GALNTL6: variants seen among roughly 807,000 people sequenced by gnomAD.
GALNTL6 encodes the protein polypeptide N-acetylgalactosaminyltransferase-like 6.
In GALNTL6, 46 loss-of-function variants were observed where a neutral mutation model predicts 73.7. The observed-to-expected ratio is 0.62, with a 90% confidence interval of 0.49 to 0.80. The LOEUF (loss-of-function observed/expected upper bound fraction) is 0.80, where lower values mean the gene tolerates loss of function less well. Among genes scored for constraint, GALNTL6 ranks in the 30% least tolerant of loss-of-function variants. The pLI, the probability that GALNTL6 is intolerant of heterozygous loss-of-function variation, is 0.00. For synonymous variants in GALNTL6, 259 were observed against 263.7 expected (o/e 0.98, Z 0.17); for missense variants, 604 against 755.0 (o/e 0.80, Z 2.34).
At chr4:173,009,109 A>G in intron 10 of GALNTL6, 69 bp from the exon 11 acceptor site, 1 of 993,490 alleles carries the variant, frequency 1.0e-6, no homozygotes, top group East Asian at 2.4e-5. Flanking sequence ...AATCTACACC[A>G]TGGTTGTTAG....
intron 5 of GALNTL6, among the ~76,000 whole-genome samples, chr4:172,665,058 T>A (rs943321757): frequency 6.6e-6 from 1 of 152,170 alleles, no homozygotes; most frequent in African/African-American, 2.4e-5. Context: ...TACAAATATA[T>A]ACCTCCCAGG....
intron 2 of GALNTL6, among the ~76,000 whole-genome samples, chr4:172,117,867 A>G (rs932743345): frequency 1.3e-5 from 2 of 152,218 alleles, no homozygotes; most frequent in Admixed American, 6.5e-5. Flanking sequence ...CTAAAATGAA[A>G]AAAACAAAAT....
intron 9 of GALNTL6, among the ~76,000 whole-genome samples, 186 bp from the exon 10 acceptor site, chr4:172,951,851 A>T (rs1749458448): frequency 6.6e-6 from 1 of 152,240 alleles, no homozygotes; most frequent in South Asian, 2.1e-4. Flanking sequence ...ATGTGTGTGA[A>T]GCCACAGGCT....
intron 5 of GALNTL6, among the ~76,000 whole-genome samples, chr4:172,801,023 ATACT>A (rs1375945106): frequency 2.0e-5 from 3 of 152,158 alleles, no homozygotes; most frequent in African/African-American, 7.2e-5. Context: ...AAAATATAAA[ATACT>A]TAGGAAAAAA....
rs148944126 is a variant in GALNTL6, at chr4:172,131,922, G to C, written c.139-97734G>C. 3.9e-3 allele frequency among the ~76,000 whole-genome samples: 589 copies of C among 152,048 alleles called. 2 individuals carry two copies. Among genetic ancestry groups the C allele is most frequent in the African/African-American group, 0.013 (550 of 41,496 alleles). On this transcript the variant is annotated intron_variant, in intron 2 of 12. Coordinates refer to ENST00000506823, the MANE Select transcript of GALNTL6 (RefSeq NM_001034845.3). ...TAAGTACTGTTCTTCTCATGGCAGA[G>C]AATCAATGAGACAGCTCTCCTGTTT...
chr4:172,209,192 T>C (rs1400477582), intron 2 of GALNTL6, among the ~76,000 whole-genome samples: 1 of 152,088 alleles, frequency 6.6e-6, no homozygotes, highest in East Asian at 1.9e-4. Context: ...GTATTACATG[T>C]CTCAAAATTA....
intron 4 of GALNTL6, among the ~76,000 whole-genome samples, chr4:172,339,842 C>G (rs1413527804): frequency 6.6e-6 from 1 of 152,182 alleles, no homozygotes; most frequent in Non-Finnish European, 1.5e-5. Flanking sequence ...TGCACATGGT[C>G]TTCTTTTTGG....
intron 2 of GALNTL6, among the ~76,000 whole-genome samples, chr4:172,021,169 TA>T (rs1428708406): frequency 2.6e-5 from 4 of 152,024 alleles, no homozygotes; most frequent in Non-Finnish European, 4.4e-5. Flanking sequence ...GAACTGCAGC[TA>T]GTGTCATATC....
intron 5 of GALNTL6, among the ~76,000 whole-genome samples, chr4:172,590,646 A>G (rs958567907): frequency 1.3e-5 from 2 of 152,106 alleles, no homozygotes; most frequent in African/African-American, 4.8e-5. Flanking sequence ...GTAATGGGGG[A>G]ATGTAGGCGG....
intron 5 of GALNTL6, among the ~76,000 whole-genome samples, chr4:172,729,034 A>G (rs1312398313): frequency 4.6e-5 from 7 of 152,084 alleles, no homozygotes; most frequent in Admixed American, 2.6e-4. Flanking sequence ...GGAAATGTCT[A>G]TTGAGATCCT....
chr4:171,948,581 A>C (rs957332823), intron 2 of GALNTL6, among the ~76,000 whole-genome samples: 3 of 152,160 alleles, frequency 2.0e-5, no homozygotes, highest in Non-Finnish European at 4.4e-5. Flanking sequence ...TAATAAATAA[A>C]ATTTGAAATA....
chr4:171,877,297 C>T (rs947927666), intron 2 of GALNTL6, among the ~76,000 whole-genome samples: 1 of 152,072 alleles, frequency 6.6e-6, no homozygotes, highest in Non-Finnish European at 1.5e-5. Context: ...TCTTTTCAGT[C>T]TTTTTTCTAC....
intron 2 of GALNTL6, among the ~76,000 whole-genome samples, chr4:171,890,309 AAAATCAG>A (rs1171449510): frequency 6.6e-6 from 1 of 152,150 alleles, no homozygotes; most frequent in Non-Finnish European, 1.5e-5. Flanking sequence ...GCTCTAGAGG[AAAATCAG>A]AAAATCAGAA....
intron 2 of GALNTL6, among the ~76,000 whole-genome samples, chr4:171,996,723 C>CAA (rs35734964): frequency 1.6e-4 from 15 of 94,170 alleles, no homozygotes; most frequent in African/African-American, 4.1e-4. Flanking sequence ...AGCTGACGAG[C>CAA]AAAAAAAAAA....
intron 2 of GALNTL6, among the ~76,000 whole-genome samples, chr4:172,071,787 G>GA (rs1411724743): frequency 6.6e-6 from 1 of 151,984 alleles, no homozygotes; most frequent in African/African-American, 2.4e-5. Flanking sequence ...CTTTATTATG[G>GA]AAAAAAGAAA....
chr4:172,361,388 T>C (rs1015276476), intron 5 of GALNTL6, among the ~76,000 whole-genome samples: 10 of 152,136 alleles, frequency 6.6e-5, no homozygotes, highest in African/African-American at 2.2e-4. Flanking sequence ...AATCCACTTT[T>C]CATTTTAGGA....
chr4:172,858,881 A>G (rs986269874), intron 7 of GALNTL6, among the ~76,000 whole-genome samples: 2 of 152,142 alleles, frequency 1.3e-5, no homozygotes, highest in Non-Finnish European at 1.5e-5. Context: ...TGAAAAATAT[A>G]CATTAGAAAA....
chr4:171,894,420 C>T (rs1736849672), intron 2 of GALNTL6, among the ~76,000 whole-genome samples: 2 of 151,830 alleles, frequency 1.3e-5, no homozygotes, highest in South Asian at 2.1e-4. Flanking sequence ...AGAAGTGCAG[C>T]CCTTTTAGTA....
At chr4:172,992,746 G>A (rs569193967) in intron 10 of GALNTL6, among the ~76,000 whole-genome samples, 1 of 152,286 alleles carries the variant, frequency 6.6e-6, no homozygotes, top group Non-Finnish European at 1.5e-5. Flanking sequence ...ATCTATAGGA[G>A]CAACTGGGAG....
Sources: allele counts gnomAD v4.1 joint callset (sites outside exome capture counted in the v4.1 genomes callset), GRCh38; gene constraint gnomAD v4.1.1; transcripts MANE v1.5; gene names NCBI Gene and HGNC (gene_info 2026-07-23, HGNC 2026-07-21).